DLGAP2: variants seen among roughly 807,000 people sequenced by gnomAD.
The protein encoded by DLGAP2 is DLG associated protein 2.
DLGAP2 carries 26 observed loss-of-function variants against 100.3 expected under a neutral mutation model. That is an observed-to-expected ratio of 0.26 (90% confidence interval 0.19 to 0.36). The LOEUF (loss-of-function observed/expected upper bound fraction) is 0.36. Ranked by LOEUF, DLGAP2 falls within the 10% of genes least tolerant of loss-of-function variation. The pLI is 1.00. For synonymous variants in DLGAP2, 886 were observed against 630.1 expected, an observed-to-expected ratio of 1.41 and a Z score of -6.08; for missense variants, 1,858 against 1,453.2, an observed-to-expected ratio of 1.28 and a Z score of -4.53.
chr8:1,347,496 G>C (rs540389428), intron 3 of DLGAP2, among the ~76,000 whole-genome samples: 1 of 152,214 alleles, frequency 6.6e-6, no homozygotes, highest in South Asian at 2.1e-4. Context: ...GCTGTGTGTA[G>C]GTTCATTTCC....
At chr8:1,039,979 GGTGTGC>G (rs1802276364) in intron 2 of DLGAP2, among the ~76,000 whole-genome samples, 2 of 144,970 alleles carry the variant, frequency 1.4e-5, no homozygotes, top group African/African-American at 5.2e-5. Flanking sequence ...TGGTCGGCTC[GGTGTGC>G]ATGGTCTGCT....
At chr8:1,431,075 CTG>C (rs1339136950) in intron 3 of DLGAP2, among the ~76,000 whole-genome samples, 2 of 152,194 alleles carry the variant, frequency 1.3e-5, no homozygotes, top group Admixed American at 6.5e-5. Flanking sequence ...TGCCTGCAAA[CTG>C]TAAAATGGGA....
intron 3 of DLGAP2, among the ~76,000 whole-genome samples, chr8:1,484,105 G>T (rs1459641816): frequency 6.6e-6 from 1 of 152,242 alleles, no homozygotes; most frequent in Non-Finnish European, 1.5e-5. Context: ...CTGGGAGCCA[G>T]CGTGGGCTGA....
chr8:1,288,550 GTGTGTGT>G (rs1490416560), intron 3 of DLGAP2, among the ~76,000 whole-genome samples: 3 of 49,156 alleles, frequency 6.1e-5, no homozygotes, highest in Non-Finnish European at 1.1e-4. Context: ...GTGTGTGTGT[GTGTGTGT>G]GTGGTTAGGA....
chr8:1,681,611 T>C (rs1798948037), intron 12 of DLGAP2, among the ~76,000 whole-genome samples: 1 of 148,150 alleles, frequency 6.7e-6, no homozygotes, highest in African/African-American at 2.5e-5. Flanking sequence ...TGAGCCGAGA[T>C]CTCACCATCA....
intron 2 of DLGAP2, among the ~76,000 whole-genome samples, chr8:1,136,946 G>A (rs1796427241): frequency 1.3e-5 from 2 of 152,232 alleles, no homozygotes; most frequent in African/African-American, 4.8e-5. Context: ...CAACTTGTGT[G>A]TAGTATGTCT....
At chr8:874,095 CT>C (rs572922916) in intron 1 of DLGAP2, among the ~76,000 whole-genome samples, 193 of 151,978 alleles carry the variant, frequency 1.3e-3, no homozygotes, top group Non-Finnish European at 2.1e-3. Flanking sequence ...TGAGACTTCT[CT>C]TTTTTTTCTT....
chr8:1,502,423 A>C (rs1038738535), intron 4 of DLGAP2, among the ~76,000 whole-genome samples: 1 of 152,244 alleles, frequency 6.6e-6, no homozygotes, highest in African/African-American at 2.4e-5. Flanking sequence ...TTGTTAAAGA[A>C]AACTACAGCC....
chr8:1,651,249 T>G (rs2130809778), intron 8 of DLGAP2, among the ~76,000 whole-genome samples: 1 of 152,352 alleles, frequency 6.6e-6, no homozygotes, highest in African/African-American at 2.4e-5. Flanking sequence ...GCTGGAAATG[T>G]TGACCCACCA....
intron 1 of DLGAP2, among the ~76,000 whole-genome samples, chr8:859,296 T>C (rs1277420929): frequency 1.3e-5 from 2 of 152,096 alleles, no homozygotes; most frequent in Non-Finnish European, 2.9e-5. Flanking sequence ...GCTTTTAATA[T>C]AGGCAGGGTT....
intron 2 of DLGAP2, among the ~76,000 whole-genome samples, chr8:1,201,804 G>A (rs915552844): frequency 1.3e-5 from 2 of 152,214 alleles, no homozygotes; most frequent in African/African-American, 4.8e-5. Flanking sequence ...CGGTGCCTCT[G>A]TGTACGTGTG....
chr8:1,111,948 C>T (rs1176694996), intron 2 of DLGAP2, among the ~76,000 whole-genome samples: 1 of 152,114 alleles, frequency 6.6e-6, no homozygotes, highest in Non-Finnish European at 1.5e-5. Flanking sequence ...GGTTGAATGG[C>T]AGTTCTGCTT....
At chr8:846,799 A>G (rs1314960821) in intron 1 of DLGAP2, among the ~76,000 whole-genome samples, 2 of 152,080 alleles carry the variant, frequency 1.3e-5, no homozygotes, top group African/African-American at 2.4e-5. Context: ...TAGCCATTCT[A>G]ATTGGGATGA....
At chr8:756,593 G>A (rs1446640139) in intron 1 of DLGAP2, among the ~76,000 whole-genome samples, 1 of 151,972 alleles carries the variant, frequency 6.6e-6, no homozygotes, top group Non-Finnish European at 1.5e-5. Context: ...AGATCATACT[G>A]GGATCTCAGG....
intron 2 of DLGAP2, among the ~76,000 whole-genome samples, chr8:1,211,814 G>A (rs1313774957): frequency 6.6e-6 from 1 of 152,252 alleles, no homozygotes; most frequent in Non-Finnish European, 1.5e-5. Flanking sequence ...GGTGGAGGTT[G>A]CAGTGAGCCG....
intron 2 of DLGAP2, among the ~76,000 whole-genome samples, chr8:1,071,495 C>T (rs112029731): frequency 6.6e-5 from 10 of 152,244 alleles, no homozygotes; most frequent in East Asian, 5.8e-4. Context: ...TGCTCCTGGG[C>T]GTCCCGGTGC....
intron 2 of DLGAP2, among the ~76,000 whole-genome samples, chr8:1,095,402 G>A (rs917176195): frequency 1.3e-4 from 20 of 152,302 alleles, no homozygotes; most frequent in East Asian, 3.9e-4. Flanking sequence ...ACCCTCGCCC[G>A]GGGTTCTTGT....
chr8:1,047,237 A>G (rs1802541076), intron 2 of DLGAP2, among the ~76,000 whole-genome samples: 1 of 152,190 alleles, frequency 6.6e-6, no homozygotes, highest in East Asian at 1.9e-4. Flanking sequence ...GAAACATACA[A>G]TATGCAACCT....
chr8:1,169,203 G>C (rs370056585), intron 2 of DLGAP2, among the ~76,000 whole-genome samples: 1 of 152,006 alleles, frequency 6.6e-6, no homozygotes, highest in Admixed American at 6.5e-5. Flanking sequence ...GATATGCGGC[G>C]TTATTTCTGA....
Sources: gnomAD v4.1 joint callset for allele counts (sites outside exome capture counted in the v4.1 genomes callset) on GRCh38, gnomAD v4.1.1 for gene constraint, MANE v1.5 for transcripts, NCBI Gene and HGNC (gene_info 2026-07-23, HGNC 2026-07-21) for gene names.